Variants in TYW1B observed in about 807,000 individuals in gnomAD.
TYW1B encodes S-adenosyl-L-methionine-dependent tRNA 4-demethylwyosine synthase TYW1B.
TYW1B carries 73 observed loss-of-function variants against 86.9 expected under a neutral mutation model. The ratio of observed to expected loss-of-function variants is 0.84; its 90% confidence interval spans 0.70 to 1.02. The LOEUF is 1.02. Among genes scored for constraint, TYW1B ranks in the 50% least tolerant of loss-of-function variants. The probability of loss-of-function intolerance (pLI) is 0.00; values close to 1 mark genes in which losing one functional copy is unlikely to be tolerated. For missense variants in TYW1B, 637 were observed against 827.4 expected, an observed-to-expected ratio of 0.77 and a Z score of 2.82; for synonymous variants, 248 against 292.8, an observed-to-expected ratio of 0.85 and a Z score of 1.56.
chr7:72,721,463 A>G (rs1554457499), intron 9 of TYW1B, among the ~76,000 whole-genome samples: 1 of 152,150 alleles, frequency 6.6e-6, no homozygotes. Context: ...ATGGTATCTT[A>G]TTGTGGTTTT....
intron 10 of TYW1B, among the ~76,000 whole-genome samples, chr7:72,698,301 G>A (rs573772078): frequency 3.3e-5 from 5 of 152,262 alleles, no homozygotes; most frequent in South Asian, 2.1e-4. Context: ...TTTTAGAGAC[G>A]ATGAAGCTGA....
chr7:72,751,723 T>C (rs1404549881), intron 7 of TYW1B, among the ~76,000 whole-genome samples: 1 of 152,262 alleles, frequency 6.6e-6, no homozygotes, highest in African/African-American at 2.4e-5. Context: ...TCCTAGACAT[T>C]CTGTCTATTA....
At chr7:72,694,353 G>A (rs1554450989) in intron 11 of TYW1B, among the ~76,000 whole-genome samples, 1 of 152,050 alleles carries the variant, frequency 6.6e-6, no homozygotes, top group South Asian at 2.1e-4. Flanking sequence ...TTCCGGGTTG[G>A]GTATCTATGG....
At chr7:72,700,472 C>A (rs1341074115) in intron 10 of TYW1B, among the ~76,000 whole-genome samples, 5 of 152,040 alleles carry the variant, frequency 3.3e-5, no homozygotes, top group African/African-American at 1.2e-4. Context: ...CACGCCTGGA[C>A]CTTTCTTTGA....
intron 11 of TYW1B, among the ~76,000 whole-genome samples, chr7:72,660,067 T>C (rs1318834557): frequency 6.6e-6 from 1 of 152,000 alleles, no homozygotes; most frequent in Non-Finnish European, 1.5e-5. Context: ...CCACAGACAA[T>C]ATGTAAACAA....
At chr7:72,770,870 C>A (rs1336442819) in intron 7 of TYW1B, among the ~76,000 whole-genome samples, 3 of 151,312 alleles carry the variant, frequency 2.0e-5, no homozygotes, top group Non-Finnish European at 4.4e-5. Context: ...TGATATGACA[C>A]GGATGCATCT....
intron 7 of TYW1B, among the ~76,000 whole-genome samples, chr7:72,752,756 CA>C (rs782462480): frequency 1.3e-5 from 2 of 151,456 alleles, no homozygotes; most frequent in African/African-American, 4.9e-5. Context: ...AACAAACAAA[CA>C]AAAAAACCTC....
intron 10 of TYW1B, among the ~76,000 whole-genome samples, chr7:72,706,398 G>T (rs1331596047): frequency 7.9e-6 from 1 of 126,862 alleles, no homozygotes; most frequent in Non-Finnish European, 1.5e-5. Context: ...GTGTACTCCA[G>T]CCTGGGCAAC....
Position 72,807,278 on chromosome 7 carries a change from C to A in TYW1B, c.511G>T (p.Val171Leu). ...VMSRGEGDCD[V>L]VKSKHGSIEA... Reference sequence around the variant, plus strand: ...ATGCTGCCGTGCTTGCTTTTAACCACGTCGCAGTCGCCCTCCCCTCGACTC... The same window carrying A: ...ATGCTGCCGTGCTTGCTTTTAACCAAGTCGCAGTCGCCCTCCCCTCGACTC... The change falls in exon 5 of 14, where the codon GTG (valine) becomes TTG (leucine). Residue 171 changes from valine to leucine, a missense_variant. Transcript: ENST00000620995. 6.2e-7 allele frequency: 1 copy of A among 1,614,182 alleles called. No homozygotes were observed. The highest frequency in any genetic ancestry group is 8.5e-7 in the Non-Finnish European group (1 of 1,180,042).
intron 6 of TYW1B, among the ~76,000 whole-genome samples, chr7:72,795,229 CA>C (rs1419378671): frequency 6.8e-6 from 1 of 147,954 alleles, no homozygotes; most frequent in Non-Finnish European, 1.5e-5. Context: ...ACCCTGTCTC[CA>C]AAAAAAATAA....
intron 8 of TYW1B, among the ~76,000 whole-genome samples, chr7:72,729,553 A>G (rs1158794704): frequency 2.6e-5 from 4 of 152,118 alleles, no homozygotes; most frequent in Non-Finnish European, 4.4e-5. Context: ...AACCCAAGCT[A>G]TAACTAGCAG....
intron 11 of TYW1B, among the ~76,000 whole-genome samples, chr7:72,642,629 G>A (rs1420334365): frequency 2.6e-5 from 4 of 152,236 alleles, no homozygotes; most frequent in Non-Finnish European, 4.4e-5. Flanking sequence ...TAGGCTGGGC[G>A]CAGTGGCTCA....
At chr7:72,776,822 T>C (rs2129572028) in intron 7 of TYW1B, among the ~76,000 whole-genome samples, 1 of 151,178 alleles carries the variant, frequency 6.6e-6, no homozygotes, top group Non-Finnish European at 1.5e-5. Context: ...AAAATACAAA[T>C]ATATATATAT....
intron 11 of TYW1B, among the ~76,000 whole-genome samples, chr7:72,689,083 T>G (rs1264838188): frequency 6.6e-6 from 1 of 152,104 alleles, no homozygotes; most frequent in Non-Finnish European, 1.5e-5. Context: ...ACATGAAAGT[T>G]AAAGCCTTCA....
intron 6 of TYW1B, among the ~76,000 whole-genome samples, chr7:72,801,123 G>A (rs1554475532): frequency 2.0e-5 from 3 of 152,170 alleles, no homozygotes; most frequent in African/African-American, 7.2e-5. Context: ...GAGGTCAGGA[G>A]TTCGAGACCA....
intron 7 of TYW1B, among the ~76,000 whole-genome samples, chr7:72,770,066 C>CT (rs1787838736): frequency 6.7e-6 from 1 of 149,112 alleles, no homozygotes; most frequent in African/African-American, 2.5e-5. Flanking sequence ...CAGCGAGACT[C>CT]TGTCTCGAAA....
intron 10 of TYW1B, among the ~76,000 whole-genome samples, chr7:72,702,629 C>T (rs564515452): frequency 3.9e-5 from 6 of 152,074 alleles, no homozygotes; most frequent in Admixed American, 1.3e-4. Flanking sequence ...TCAAATGATC[C>T]GCCCACCTCA....
chr7:72,759,046 G>A (rs948091612), intron 7 of TYW1B, among the ~76,000 whole-genome samples: 11 of 152,274 alleles, frequency 7.2e-5, no homozygotes, highest in South Asian at 2.1e-4. Flanking sequence ...AAAGCCACTA[G>A]GTGGCCAGGT....
At chr7:72,592,192 T>C (rs1585831264) in intron 13 of TYW1B, among the ~76,000 whole-genome samples, 1 of 144,004 alleles carries the variant, frequency 6.9e-6, no homozygotes, top group African/African-American at 2.7e-5. Flanking sequence ...AAAAGACAAG[T>C]ATTAGTTTAT....
Sources: gnomAD v4.1 joint callset for allele counts (sites outside exome capture counted in the v4.1 genomes callset) on GRCh38, gnomAD v4.1.1 for gene constraint, MANE v1.5 for transcripts, NCBI Gene and HGNC (gene_info 2026-07-23, HGNC 2026-07-21) for gene names.